The following CCDC178 variants were observed in gnomAD, a reference collection of about 807,000 sequenced individuals.
CCDC178 encodes the protein coiled-coil domain containing 178, also known as coiled-coil domain-containing protein 178.
Under a neutral mutation model 117.4 loss-of-function variants are expected in CCDC178, and 126 were observed. The ratio of observed to expected loss-of-function variants is 1.07; its 90% CI spans 0.93 to 1.24. CCDC178 has a LOEUF of 1.24. Among genes scored for constraint, CCDC178 ranks in the 50% most tolerant of loss-of-function variants. CCDC178 has a pLI of 0.00. For missense variants in CCDC178, 1,030 were observed against 986.9 expected, an observed-to-expected ratio of 1.04 and a Z score of -0.59; for synonymous variants, 283 against 313.4, an observed-to-expected ratio of 0.90 and a Z score of 1.02.
At chr18:33,436,558 C>A (rs753814195) in intron 2 of CCDC178, among the ~76,000 whole-genome samples, 7 of 152,148 alleles carry the variant, frequency 4.6e-5, no homozygotes, top group Non-Finnish European at 7.4e-5. Flanking sequence ...GGATTGATTG[C>A]AGTTTATCTC....
At chr18:33,398,279 T>C (rs1047255389) in intron 3 of CCDC178, among the ~76,000 whole-genome samples, 1 of 152,042 alleles carries the variant, frequency 6.6e-6, no homozygotes, top group Non-Finnish European at 1.5e-5. Flanking sequence ...AAATAAATTA[T>C]ATTCCATGAT....
intron 7 of CCDC178, among the ~76,000 whole-genome samples, chr18:33,351,780 T>C (rs1217477696): frequency 6.6e-6 from 1 of 151,996 alleles, no homozygotes; most frequent in Admixed American, 6.6e-5. Flanking sequence ...CTCAAACTTC[T>C]GGGCTCAAGT....
At chr18:32,948,931 C>A (rs544010670) in intron 22 of CCDC178, among the ~76,000 whole-genome samples, 118 of 152,108 alleles carry the variant, frequency 7.8e-4, no homozygotes, top group African/African-American at 2.6e-3. Flanking sequence ...TCTTGTAGTG[C>A]AGGTCTGCTG....
At position 33,122,348 on chromosome 18, in the gene CCDC178, A is replaced by T. The variant is rs150414565; in HGVS notation, c.2239-29438T>A. 1.1e-3 allele frequency among the ~76,000 whole-genome samples: 168 copies of T among 152,236 alleles called. 1 individual carries two copies. Among genetic ancestry groups the T allele is most frequent in the Admixed American group, 2.0e-3 (31 of 15,284 alleles). ...TAACTGATGCTCTGGGGCTTGGCAT[A>T]TCAGATCAGAAATATTGATACCTGC... On this transcript the variant is annotated intron_variant, in intron 20 of 22. Transcript: ENST00000383096.
intron 21 of CCDC178, among the ~76,000 whole-genome samples, chr18:33,087,535 G>C (rs2057398018): frequency 6.6e-6 from 1 of 151,210 alleles, no homozygotes; most frequent in South Asian, 2.1e-4. Context: ...ATGTGTGTGT[G>C]TGTTTTCTAA....
At chr18:33,015,895 G>A (rs1408356640) in intron 21 of CCDC178, among the ~76,000 whole-genome samples, 1 of 152,158 alleles carries the variant, frequency 6.6e-6, no homozygotes, top group African/African-American at 2.4e-5. Flanking sequence ...CAGACTTTTA[G>A]TGGCATAGGA....
At chr18:32,956,750 A>C (rs2054602831) in intron 22 of CCDC178, 1 of 152,224 alleles carries the variant, frequency 6.6e-6, no homozygotes. Context: ...TGCTGTCTGC[A>C]TTGGTGCAGC....
At chr18:33,316,662 G>A (rs1272036340) in intron 11 of CCDC178, among the ~76,000 whole-genome samples, 1 of 152,168 alleles carries the variant, frequency 6.6e-6, no homozygotes, top group African/African-American at 2.4e-5. Context: ...GTCTAGCTAA[G>A]GGATTGTAAA....
chr18:33,382,766 G>T (rs1389308968), intron 5 of CCDC178, among the ~76,000 whole-genome samples: 1 of 152,118 alleles, frequency 6.6e-6, no homozygotes, highest in South Asian at 2.1e-4. Context: ...GCAGGCACTG[G>T]GCTGCAGGAG....
rs537889835 is a variant in CCDC178, at chr18:32,937,960, G to A, written c.*51C>T. On this transcript the variant is annotated 3_prime_UTR_variant, in exon 23 of 23. Transcript: ENST00000383096. Reference sequence around the variant, plus strand: ...CCAATTACACTGTTATCTGAACTGTGTGACTTTTCTTGTCTTTTATTTCAG... The same window carrying A: ...CCAATTACACTGTTATCTGAACTGTATGACTTTTCTTGTCTTTTATTTCAG... 2.2e-6 allele frequency: 3 copies of A among 1,384,992 alleles called. No homozygotes were observed. Among genetic ancestry groups the A allele is most frequent in the East Asian group, 2.3e-5 (1 of 43,820 alleles). 85.8% of individuals were successfully genotyped at this position (1,384,992 alleles called of 1,614,324 possible). A position where few individuals can be genotyped will look rare whatever the true frequency, so the allele number is the denominator to read the frequency against.
intron 20 of CCDC178, among the ~76,000 whole-genome samples, chr18:33,150,909 AC>A (rs1298630738): frequency 6.6e-6 from 1 of 152,168 alleles, no homozygotes; most frequent in African/African-American, 2.4e-5. Context: ...ATAGAATACT[AC>A]TCGGGCATAA....
At chr18:33,042,998 CAG>C (rs2144898978) in intron 21 of CCDC178, among the ~76,000 whole-genome samples, 1 of 151,790 alleles carries the variant, frequency 6.6e-6, no homozygotes, top group South Asian at 2.1e-4. Flanking sequence ...ATTTTATAAA[CAG>C]ATATAAAAAT....
At chr18:33,127,423 C>T (rs1410022464) in intron 20 of CCDC178, among the ~76,000 whole-genome samples, 1 of 151,996 alleles carries the variant, frequency 6.6e-6, no homozygotes, top group Non-Finnish European at 1.5e-5. Flanking sequence ...CATATTTTAA[C>T]TGATCAGTTT....
intron 21 of CCDC178, among the ~76,000 whole-genome samples, chr18:32,990,919 CAAGT>C (rs1286878741): frequency 6.0e-5 from 9 of 151,234 alleles, no homozygotes; most frequent in Non-Finnish European, 1.2e-4. Flanking sequence ...AAATGGCTTA[CAAGT>C]AATTAGGAAA....
At position 33,411,204 on chromosome 18, in the gene CCDC178, A is replaced by G. The variant is rs1003070030; in HGVS notation, c.58+827T>C. ...GTTACATAGCATCAGTGCAGCAGTG[A>G]TAACTGATACAAAGACTACCTATTG... On this transcript the variant is annotated intron_variant, in intron 3 of 22. Transcript: ENST00000383096. Among the ~76,000 whole-genome samples, 3 of 152,358 alleles carry G rather than the reference A, an allele frequency of 2.0e-5. No individual in the cohort carries two copies. In the South Asian group the frequency reaches 6.2e-4, roughly 32 times the overall value.
chr18:33,329,575 T>C (rs2062635294), intron 10 of CCDC178, among the ~76,000 whole-genome samples: 3 of 152,262 alleles, frequency 2.0e-5, no homozygotes, highest in African/African-American at 7.2e-5. Flanking sequence ...CTTTATTTTA[T>C]TCATGTGGTA....
chr18:33,242,120 C>T (rs981232968), intron 15 of CCDC178, among the ~76,000 whole-genome samples: 1 of 151,764 alleles, frequency 6.6e-6, no homozygotes, highest in Admixed American at 6.6e-5. Context: ...CACATATTTA[C>T]AGCCAACTGA....
At chr18:32,977,101 G>C (rs888229146) in intron 21 of CCDC178, among the ~76,000 whole-genome samples, 2 of 152,072 alleles carry the variant, frequency 1.3e-5, no homozygotes, top group Non-Finnish European at 2.9e-5. Flanking sequence ...ACAGTTCATA[G>C]GTTGATTGTA....
intron 2 of CCDC178, among the ~76,000 whole-genome samples, chr18:33,419,910 CCTT>C (rs1333960546): frequency 6.6e-6 from 1 of 151,712 alleles, no homozygotes; most frequent in Non-Finnish European, 1.5e-5. Flanking sequence ...ATCTTTCTTT[CCTT>C]CTTTTTTTTT....
Sources: gnomAD v4.1 joint callset for allele counts (sites outside exome capture counted in the v4.1 genomes callset) on GRCh38, gnomAD v4.1.1 for gene constraint, MANE v1.5 for transcripts, NCBI Gene and HGNC (gene_info 2026-07-23, HGNC 2026-07-21) for gene names.